Variants in NKX2-3 observed in about 807,000 individuals in gnomAD.
The protein encoded by NKX2-3 is homeobox protein Nkx-2.3.
NKX2-3 carries 3 observed loss-of-function variants against 14.2 expected under a neutral mutation model. The ratio of observed to expected loss-of-function variants is 0.21; its 90% CI spans 0.10 to 0.55. NKX2-3 has a LOEUF of 0.55. Ranked by LOEUF, NKX2-3 falls within the 20% of genes least tolerant of loss-of-function variation. The pLI, the probability that NKX2-3 is intolerant of heterozygous loss-of-function variation, is 0.94. For missense variants in NKX2-3, 511 were observed against 514.5 expected (o/e 0.99, Z 0.06); for synonymous variants, 276 against 234.2 (o/e 1.18, Z -1.63).
At position 99,535,493 on chromosome 10, in the gene NKX2-3, C is replaced by T. The variant is rs1436573027; in HGVS notation, c.867C>T (p.Ser289=). Residue 289 remains serine (S), a synonymous_variant, in exon 2 of 2, where the codon AGC becomes AGT. Coordinates refer to ENST00000344586, the MANE Select transcript of NKX2-3 (RefSeq NM_145285.3). The part of the protein sequence containing the change: ...AAAAAAAAYS[S]SYGCAYPAGG... ...CCGCAGCAGCGGCGGCCTACAGCAG[C>T]AGCTATGGCTGTGCGTACCCGGCGG... is the stretch of plus-strand genomic sequence containing the variant. 3 of 1,195,780 alleles carry T rather than the reference C, an allele frequency of 2.5e-6. No individual in the cohort carries two copies. The highest frequency in any genetic ancestry group is 3.1e-6 in the Non-Finnish European group (3 of 962,442). The allele number at this position is 1,195,780 out of a possible 1,614,324, so 74.1% of individuals were successfully genotyped here. A position where few individuals can be genotyped will look rare whatever the true frequency, so the allele number is the denominator to read the frequency against.
rs1399724458 is a variant in NKX2-3, at chr10:99,535,709, C to T, written c.1083C>T (p.Ile361=). Residue 361 remains isoleucine, a synonymous_variant, in exon 2 of 2, where the codon ATC becomes ATT. Coordinates refer to ENST00000344586, the MANE Select transcript of NKX2-3 (RefSeq NM_145285.3). ...GCGCTCAGGGCACCTTGCAGGGCAT[C>T]CGGGCCTGGTAGGGACGGGGCGGGT... The part of the protein sequence containing the change: ...AACAQGTLQG[I]RAW 1.3e-6 allele frequency: 2 copies of T among 1,533,928 alleles called. No individual in the cohort carries two copies. The highest frequency in any genetic ancestry group is 1.7e-6 in the Non-Finnish European group (2 of 1,145,388).
In NKX2-3 at chr10:99,533,210, T is replaced by G; in HGVS notation, c.79T>G (p.Phe27Val). The change falls in exon 1 of 2, where the codon TTC (phenylalanine) becomes GTC (valine). Residue 27 changes from phenylalanine to valine, a missense_variant. Transcript: ENST00000344586. ...ILNLEQQHQH[F>V]HGAHLQADLE... ...GAATCTGGAGCAGCAGCACCAGCACTTCCATGGTGCGCACTTGCAGGCGGA... is the reference window on the plus strand; with the variant it reads ...GAATCTGGAGCAGCAGCACCAGCACGTCCATGGTGCGCACTTGCAGGCGGA... 6.2e-7 allele frequency: 1 copy of G among 1,607,920 alleles called. No individual in the cohort carries two copies. Among genetic ancestry groups the G allele is most frequent in the Non-Finnish European group, 8.5e-7 (1 of 1,175,372 alleles).
intron 1 of NKX2-3, 105 bp downstream of exon 1, chr10:99,533,594 C>G: frequency 1.1e-6 from 1 of 876,562 alleles, no homozygotes; most frequent in Non-Finnish European, 1.7e-6. Flanking sequence ...TCCCTTTACC[C>G]TTTGGCTGGG....
Position 99,535,315 on chromosome 10 carries a change from T to G in NKX2-3, c.689T>G (p.Val230Gly). Residue 230 changes from valine to glycine, a missense_variant, in exon 2 of 2, where the codon GTG (valine) becomes GGG (glycine). Transcript: ENST00000344586. ...CCGCCGCGCCGCGTGGCTGTCCCGGTGCTGGTGCGGGACGGCAAGCCGTGC... is the reference window on the plus strand; with the variant it reads ...CCGCCGCGCCGCGTGGCTGTCCCGGGGCTGGTGCGGGACGGCAAGCCGTGC... ...PPPPRRVAVPVLVRDGKPCVT... is the reference protein window; with the variant it reads ...PPPPRRVAVPGLVRDGKPCVT... 6.4e-7 allele frequency: 1 copy of G among 1,566,574 alleles called. No individual in the cohort carries two copies. Among genetic ancestry groups the G allele is most frequent in the Non-Finnish European group, 8.6e-7 (1 of 1,157,422 alleles).
rs374871429 is a variant in NKX2-3 at position 99,535,082 on chromosome 10, G to C, written c.456G>C (p.Arg152=). 2.5e-6 allele frequency: 4 copies of C among 1,608,330 alleles called. No individual in the cohort carries two copies. Among genetic ancestry groups the C allele is most frequent in the African/African-American group, 2.7e-5 (2 of 74,828 alleles). The change falls in exon 2 of 2, where the codon CGG becomes CGC. Residue 152 remains arginine (R), a synonymous_variant. Coordinates refer to ENST00000344586, the MANE Select transcript of NKX2-3 (RefSeq NM_145285.3). Reference sequence around the variant, plus strand: ...AGCCACGCAGCCGCCGGAAGCCCCGGGTCCTCTTCTCGCAAGCCCAGGTCT... The same window carrying C: ...AGCCACGCAGCCGCCGGAAGCCCCGCGTCCTCTTCTCGCAAGCCCAGGTCT... ...RPKPRSRRKP[R]VLFSQAQVFE...
Position 99,536,073 on chromosome 10 carries a change from C to G in NKX2-3, c.*352C>G, listed in dbSNP as rs1244326871. On this transcript the variant is annotated 3_prime_UTR_variant, in exon 2 of 2. Transcript: ENST00000344586. ...CTTCTCTCCCTCTGCCTTTCCGCGGCCTCCGCGAAGCGTTGGCGGGGAGCC... is the reference window on the plus strand; with the variant it reads ...CTTCTCTCCCTCTGCCTTTCCGCGGGCTCCGCGAAGCGTTGGCGGGGAGCC... 3.4e-6 allele frequency: 1 copy of G among 294,874 alleles called. No individual in the cohort carries two copies. Among genetic ancestry groups the G allele is most frequent in the Non-Finnish European group, 6.3e-6 (1 of 157,592 alleles). 18.3% of individuals were successfully genotyped at this position (294,874 alleles called of 1,614,324 possible). A position where few individuals can be genotyped will look rare whatever the true frequency, so the allele number is the denominator to read the frequency against.
Position 99,535,464 on chromosome 10 carries a change from G to A in NKX2-3, c.838G>A (p.Ala280Thr), listed in dbSNP as rs1158079100. ...SAAAAAAAAA[A>T]AAAAAAYSSS... ...CGCGGCCGCCGCCGCCGCCGCCGCC[G>A]CCGCCGCAGCAGCGGCGGCCTACAG... Residue 280 changes from alanine (A) to threonine (T), a missense_variant, in exon 2 of 2, where the codon GCC becomes ACC. By Grantham distance (58) the Ala-to-Thr change is moderately conservative. This residue lies in a region of NKX2-3 where 264 missense variants were observed against 254.7 expected (regional missense o/e 1.04). Coordinates refer to ENST00000344586, the MANE Select transcript of NKX2-3 (RefSeq NM_145285.3). 9 of 1,207,462 alleles carry A rather than the reference G, an allele frequency of 7.5e-6. No individual in the cohort carries two copies. The highest frequency in any genetic ancestry group is 7.2e-6 in the Non-Finnish European group (7 of 966,148). The allele number at this position is 1,207,462 out of a possible 1,614,324, so 74.8% of individuals were successfully genotyped here.
chr10:99,535,023 G>A lies in NKX2-3; in HGVS notation c.397G>A (p.Asp133Asn). The A allele has an allele frequency of 2.5e-6, 4 of 1,606,272 alleles. No homozygotes were observed. Among genetic ancestry groups the A allele is most frequent in the Non-Finnish European group, 2.5e-6 (3 of 1,176,838 alleles). The change falls in exon 2 of 2, where the codon GAC (aspartate) becomes AAC (asparagine). Residue 133 changes from aspartate (D) to asparagine (N), a missense_variant. By Grantham distance (23) the Asp-to-Asn change is conservative. This residue lies in a region of NKX2-3 where 243 missense variants were observed against 242.3 expected (regional missense o/e 1.00). Transcript: ENST00000344586. ...QLKKSLETAG[D>N]CKAAEESERP... ...GAAGAAGTCTCTAGAGACGGCCGGAGACTGCAAGGCGGCGGAGGAGAGCGA... is the reference window on the plus strand; with the variant it reads ...GAAGAAGTCTCTAGAGACGGCCGGAAACTGCAAGGCGGCGGAGGAGAGCGA...
Position 99,533,403 on chromosome 10 carries a change from G to A in NKX2-3, c.272G>A (p.Gly91Asp). Residue 91 changes from glycine to aspartate, a missense_variant, in exon 1 of 2, where the codon GGC becomes GAC. Coordinates refer to ENST00000344586, the MANE Select transcript of NKX2-3 (RefSeq NM_145285.3). Reference protein sequence around the residue: ...GHGDSGLCPQGYVHTVLRDSC... With the variant: ...GHGDSGLCPQDYVHTVLRDSC... ...GGGGATTCAGGGCTGTGTCCCCAGGGCTATGTCCACACGGTCCTGCGAGAC... is the reference window on the plus strand; with the variant it reads ...GGGGATTCAGGGCTGTGTCCCCAGGACTATGTCCACACGGTCCTGCGAGAC... 6.2e-7 allele frequency: 1 copy of A among 1,605,362 alleles called. No individual in the cohort carries two copies. The highest frequency in any genetic ancestry group is 8.5e-7 in the Non-Finnish European group (1 of 1,176,822).
rs78122843 is a variant in NKX2-3 at position 99,535,208 on chromosome 10, C to T, written c.582C>T (p.Ile194=). Residue 194 remains isoleucine, a synonymous_variant, in exon 2 of 2, where the codon ATC becomes ATT. Transcript: ENST00000344586. ...AGCTCACATCCACTCAGGTGAAAAT[C>T]TGGTTCCAGAATCGCAGGTACAAGT... The part of the protein sequence containing the change: ...SLKLTSTQVK[I]WFQNRRYKCK... 7 of 1,613,318 alleles carry T rather than the reference C, an allele frequency of 4.3e-6. No homozygotes were observed. In the South Asian group the frequency reaches 6.6e-5, roughly 15 times the overall value.
In NKX2-3 at chr10:99,535,567, A is replaced by C; in HGVS notation, c.941A>C (p.Gln314Pro). The C allele has an allele frequency of 6.7e-7, 1 of 1,489,804 alleles. No individual in the cohort carries two copies. 92.3% of individuals were successfully genotyped at this position (1,489,804 alleles called of 1,614,324 possible). A position where few individuals can be genotyped will look rare whatever the true frequency, so the allele number is the denominator to read the frequency against. ...GGTSAATTAM[Q>P]PACSAAGGGP... The stretch of plus-strand genomic sequence containing the variant: ...ACCTCCGCGGCGACCACTGCCATGC[A>C]GCCCGCCTGCAGCGCGGCCGGAGGC... The change falls in exon 2 of 2, where the codon CAG (glutamine) becomes CCG (proline). Residue 314 changes from glutamine to proline, a missense_variant. Gln to Pro is a moderately conservative substitution (Grantham distance 76, BLOSUM62 -1). Transcript: ENST00000344586.
chr10:99,534,915 G>A, intron 1 of NKX2-3, 70 bp from the exon 2 acceptor site: 1 of 1,513,630 alleles, frequency 6.6e-7, no homozygotes. Context: ...AAAGGGTCAC[G>A]GTGCTCCAGG....
chr10:99,535,625 C>T lies in NKX2-3; in HGVS notation c.999C>T (p.Gly333=). The T allele has an allele frequency of 6.5e-7, 1 of 1,535,264 alleles. No homozygotes were observed. The change falls in exon 2 of 2, where the codon GGC becomes GGT. Residue 333 remains glycine, a synonymous_variant. Transcript: ENST00000344586. ...GPFVNVSNLG[G]FGSGGSAQPL... is the part of the protein sequence containing the mutation. ...TTGTGAACGTGAGCAACCTAGGAGG[C>T]TTCGGCAGCGGCGGCAGCGCACAGC...
At chr10:99,533,588 T>C in intron 1 of NKX2-3, 99 bp downstream of exon 1, 1 of 905,896 alleles carries the variant, frequency 1.1e-6, no homozygotes, top group South Asian at 1.7e-5. Flanking sequence ...TGCCCATCCC[T>C]TTACCCTTTG....
chr10:99,534,589 C>A (rs2033945711), intron 1 of NKX2-3, among the ~76,000 whole-genome samples: 1 of 152,254 alleles, frequency 6.6e-6, no homozygotes, highest in African/African-American at 2.4e-5. Context: ...ACGCCTCACA[C>A]CTTCAGTTAT....
At chr10:99,534,624 AG>A (rs2033946062) in intron 1 of NKX2-3, among the ~76,000 whole-genome samples, 1 of 152,220 alleles carries the variant, frequency 6.6e-6, no homozygotes, top group Non-Finnish European at 1.5e-5. Context: ...AATGCAAACG[AG>A]TTTGCAAATA....
chr10:99,535,130 G>A lies in NKX2-3; in HGVS notation c.504G>A (p.Lys168=). 1 of 1,612,864 alleles carries A rather than the reference G, an allele frequency of 6.2e-7. No homozygotes were observed. The highest frequency in any genetic ancestry group is 2.2e-5 in the East Asian group (1 of 44,854). Residue 168 remains lysine (K), a synonymous_variant, in exon 2 of 2, where the codon AAG becomes AAA. Coordinates refer to ENST00000344586, the MANE Select transcript of NKX2-3 (RefSeq NM_145285.3). ...TCTTCGAGCTGGAACGCAGGTTCAA[G>A]CAGCAGCGGTACCTGTCGGCACCCG... The part of the protein sequence containing the change: ...AQVFELERRF[K]QQRYLSAPER...
At position 99,533,473 on chromosome 10, in the gene NKX2-3, G is replaced by C; in HGVS notation, c.342G>C (p.Val114=). The change falls in exon 1 of 2, where the codon GTG becomes GTC. Residue 114 remains valine, a synonymous_variant. Coordinates refer to ENST00000344586, the MANE Select transcript of NKX2-3 (RefSeq NM_145285.3). ...AACATGAAGAGGAGCCCGAGGTCGT[G>C]AGGGACCGGAGCCAAAGTGAGTAGA... ...PKEHEEEPEV[V]RDRSQKSCQL... is the part of the protein sequence containing the mutation. 6.3e-7 allele frequency: 1 copy of C among 1,579,400 alleles called. No individual in the cohort carries two copies. Among genetic ancestry groups the C allele is most frequent in the South Asian group, 1.2e-5 (1 of 86,676 alleles).
At position 99,535,734 on chromosome 10, in the gene NKX2-3, T is replaced by G; in HGVS notation, c.*13T>G. ...CCGGGCCTGGTAGGGACGGGGCGGG[T>G]CACGCGGCGGGCACCCCAGCGCAGC... On this transcript the variant is annotated 3_prime_UTR_variant, in exon 2 of 2. Coordinates refer to ENST00000344586, the MANE Select transcript of NKX2-3 (RefSeq NM_145285.3). 2.2e-5 allele frequency: 33 copies of G among 1,525,658 alleles called. No individual in the cohort carries two copies. The highest frequency in any genetic ancestry group is 2.8e-5 in the African/African-American group (2 of 71,624). 94.5% of individuals were successfully genotyped at this position (1,525,658 alleles called of 1,614,324 possible).
Sources: allele counts gnomAD v4.1 joint callset (sites outside exome capture counted in the v4.1 genomes callset), GRCh38; gene constraint gnomAD v4.1.1; regional missense constraint gnomAD v4.1.1; transcripts MANE v1.5; gene names NCBI Gene and HGNC (gene_info 2026-07-23, HGNC 2026-07-21).